The following COL12A1 variants were observed in gnomAD, a reference collection of about 807,000 sequenced individuals.
The protein encoded by COL12A1 is collagen type XII alpha 1 chain.
A neutral mutation model predicts 349.7 loss-of-function variants in COL12A1; 114 were observed. The ratio of observed to expected loss-of-function variants is 0.33; its 90% CI spans 0.28 to 0.38. The LOEUF (loss-of-function observed/expected upper bound fraction) is 0.38. Among genes scored for constraint, COL12A1 ranks in the 10% least tolerant of loss-of-function variants. The pLI is 1.00. For missense variants in COL12A1, 3,284 were observed against 3,756.9 expected, an observed-to-expected ratio of 0.87 and a Z score of 3.29; for synonymous variants, 1,369 against 1,329.0, an observed-to-expected ratio of 1.03 and a Z score of -0.66.
Position 75,133,294 on chromosome 6 carries a change from T to C in COL12A1, c.5793A>G (p.Thr1931=), listed in dbSNP as rs199632288. 27 of 1,583,802 alleles carry C rather than the reference T, an allele frequency of 1.7e-5. No individual in the cohort carries two copies. In the African/African-American group the frequency reaches 2.4e-4, roughly 14 times the overall value. The change falls in exon 34 of 66, where the codon ACA becomes ACG. Residue 1931 remains threonine, a splice_region_variant and synonymous_variant. Coordinates refer to ENST00000322507, the MANE Select transcript of COL12A1 (RefSeq NM_004370.6). ...DGGRTSDTGR[T]LMRGLARNVQ... Reference sequence around the variant, plus strand: ...TAATTTTTTGGCTTTATTACTTACATGTCCTTCCAGTATCTGATGTGCGTC... The same window carrying C: ...TAATTTTTTGGCTTTATTACTTACACGTCCTTCCAGTATCTGATGTGCGTC...
chr6:75,147,250 T>C (rs946411097), intron 23 of COL12A1, among the ~76,000 whole-genome samples: 2 of 152,220 alleles, frequency 1.3e-5, no homozygotes, highest in African/African-American at 4.8e-5. Context: ...ACTCCCCACA[T>C]GGTATCCTTC....
At chr6:75,188,003 C>A (rs568139118) in intron 8 of COL12A1, among the ~76,000 whole-genome samples, 1 of 152,056 alleles carries the variant, frequency 6.6e-6, no homozygotes, top group South Asian at 2.1e-4. Context: ...GTCTTTCCAG[C>A]CCATCAATGT....
intron 22 of COL12A1, among the ~76,000 whole-genome samples, 182 bp downstream of exon 22, chr6:75,148,176 T>G (rs1767296233): frequency 6.6e-6 from 1 of 152,150 alleles, no homozygotes; most frequent in Non-Finnish European, 1.5e-5. Flanking sequence ...CTCTTTCCCT[T>G]TAATTAAAGC....
rs1441542360 is a variant in COL12A1 at position 75,197,334 on chromosome 6, C to T, written c.74-2387G>A. On this transcript the variant is annotated intron_variant, in intron 2 of 65. Coordinates refer to ENST00000322507, the MANE Select transcript of COL12A1 (RefSeq NM_004370.6). ...TTTTCTTTTTTTTTTTTTTTTGAGA[C>T]GGAGTTTCGCTCTTGTTGCCCAGGC... Among the ~76,000 whole-genome samples the T allele has an allele frequency of 1.5e-4, 20 of 133,914 alleles. No individual in the cohort carries two copies. The East Asian group carries it at 1.5e-3, about 10-fold the overall frequency. The allele number at this position is 133,914 out of a possible 152,430, so 87.9% of individuals were successfully genotyped here.
chr6:75,104,175 G>A (rs918672701), intron 54 of COL12A1, among the ~76,000 whole-genome samples: 8 of 152,034 alleles, frequency 5.3e-5, no homozygotes, highest in Non-Finnish European at 2.9e-5. Flanking sequence ...ATCTTAAATC[G>A]CTCAGAGTAT....
At chr6:75,087,894 C>A in intron 64 of COL12A1, 147 bp from the exon 65 acceptor site, 1 of 803,012 alleles carries the variant, frequency 1.2e-6, no homozygotes. Flanking sequence ...TAAGAAATAC[C>A]CAATATGAAC....
At chr6:75,121,545 G>A in intron 43 of COL12A1, 104 bp from the exon 44 acceptor site, 3 of 1,343,126 alleles carry the variant, frequency 2.2e-6, no homozygotes, top group South Asian at 1.9e-5. Flanking sequence ...TACGCAAAGT[G>A]TGGTTCTGCA....
rs141997276 is a variant in COL12A1, at chr6:75,164,840, C to CAAA, written c.2983+664_2983+666dup. Among the ~76,000 whole-genome samples the CAAA allele has an allele frequency of 2.2e-3, 321 of 144,828 alleles. 2 individuals carry two copies. The highest frequency in any genetic ancestry group is 7.7e-3 in the African/African-American group (306 of 39,854). On this transcript the variant is annotated intron_variant, in intron 14 of 65. Coordinates refer to ENST00000322507, the MANE Select transcript of COL12A1 (RefSeq NM_004370.6). ...ATGATAGGTAATTCATAATTATTTA[C>CAAA]AAAAAAAAAATATCAGTAAGAGTGA...
intron 41 of COL12A1, 32 bp downstream of exon 41, chr6:75,124,223 C>G (rs376752675): frequency 4.4e-5 from 70 of 1,602,156 alleles, no homozygotes; most frequent in Non-Finnish European, 5.7e-5. Flanking sequence ...ACTACATGCT[C>G]CAGATCATTT....
chr6:75,169,426 C>G (rs1353016306), intron 13 of COL12A1, among the ~76,000 whole-genome samples: 1 of 152,148 alleles, frequency 6.6e-6, no homozygotes, highest in East Asian at 1.9e-4. Context: ...GGCATAGAAA[C>G]AGTGGCAGTG....
intron 31 of COL12A1, among the ~76,000 whole-genome samples, chr6:75,135,452 G>A (rs1006898173): frequency 1.3e-5 from 2 of 152,064 alleles, no homozygotes; most frequent in African/African-American, 4.8e-5. Context: ...CCAGCCCCGT[G>A]GTATGAAGCT....
At chr6:75,102,751 AT>A in intron 55 of COL12A1, 59 bp from the exon 56 acceptor site, 1 of 1,059,084 alleles carries the variant, frequency 9.4e-7, no homozygotes, top group Non-Finnish European at 1.3e-6. Flanking sequence ...CAGTGCTGAC[AT>A]TTAGTCAGAC....
At chr6:75,092,594 C>A (rs1160096709) in intron 60 of COL12A1, among the ~76,000 whole-genome samples, 1 of 152,152 alleles carries the variant, frequency 6.6e-6, no homozygotes, top group Non-Finnish European at 1.5e-5. Context: ...CACTTCTCAC[C>A]ATCCCCATGG....
At chr6:75,176,942 A>C (rs976395453) in intron 12 of COL12A1, among the ~76,000 whole-genome samples, 1 of 152,220 alleles carries the variant, frequency 6.6e-6, no homozygotes. Context: ...AAACATCAGA[A>C]TGTATACTGG....
At chr6:75,123,479 C>T in intron 42 of COL12A1, 75 bp from the exon 43 acceptor site, 1 of 1,182,894 alleles carries the variant, frequency 8.5e-7, no homozygotes, top group Non-Finnish European at 1.2e-6. Context: ...ATTTTAAGAG[C>T]AATTTAAATC....
At chr6:75,122,181 T>A (rs1242141691) in intron 43 of COL12A1, among the ~76,000 whole-genome samples, 1 of 152,228 alleles carries the variant, frequency 6.6e-6, no homozygotes, top group African/African-American at 2.4e-5. Flanking sequence ...TAGAATCATA[T>A]GCAGGAAAGG....
At chr6:75,103,717 A>G in intron 55 of COL12A1, 40 bp downstream of exon 55, 1 of 1,577,324 alleles carries the variant, frequency 6.3e-7, no homozygotes, top group East Asian at 2.2e-5. Context: ...AGATTTCAAC[A>G]TATAGATAAG....
chr6:75,137,508 G>C lies in COL12A1; in HGVS notation c.5323C>G (p.Pro1775Ala). Residue 1775 changes from proline to alanine, a missense_variant, in exon 31 of 66, where the codon CCT (proline) becomes GCT (alanine). Around this residue, in one of 2 missense-constraint regions of COL12A1, gnomAD observed 2,601 missense variants for 2,824.8 expected, o/e 0.92. Transcript: ENST00000322507. ...TATTTCTGCACACGACCACTAGCAGGATCCCACTTAACAGTCAGGCTGTTA... is the reference window on the plus strand; with the variant it reads ...TATTTCTGCACACGACCACTAGCAGCATCCCACTTAACAGTCAGGCTGTTA... ...TSNSLTVKWD[P>A]ASGRVQKYRI... 6.2e-7 allele frequency: 1 copy of C among 1,613,826 alleles called. No individual in the cohort carries two copies. Among genetic ancestry groups the C allele is most frequent in the Non-Finnish European group, 8.5e-7 (1 of 1,179,832 alleles).
In COL12A1 at chr6:75,155,780, G is replaced by C. The variant is rs528319887; in HGVS notation, c.3325C>G (p.Pro1109Ala). 1.4e-5 allele frequency: 22 copies of C among 1,613,526 alleles called. No homozygotes were observed. In the African/African-American group the frequency reaches 2.8e-4, roughly 21 times the overall value. ...TMSSFRVTWE[P>A]APGEVKGYKV... ...TAACCCTTCACTTCCCCAGGGGCAG[G>C]CTCCCAAGTCACTCGGAAGCTTGAC... The change falls in exon 16 of 66, where the codon CCT (proline) becomes GCT (alanine). Residue 1109 changes from proline to alanine, a missense_variant. Coordinates refer to ENST00000322507, the MANE Select transcript of COL12A1 (RefSeq NM_004370.6).
Sources: gnomAD v4.1 joint callset for allele counts (sites outside exome capture counted in the v4.1 genomes callset) on GRCh38, gnomAD v4.1.1 for gene constraint, gnomAD v4.1.1 regional missense constraint, MANE v1.5 for transcripts, NCBI Gene and HGNC (gene_info 2026-07-23, HGNC 2026-07-21) for gene names.